The following MMP26 variants were observed in gnomAD, a reference collection of about 807,000 sequenced individuals.
MMP26 encodes matrix metallopeptidase 26.
In MMP26, 33 loss-of-function variants were observed where a neutral mutation model predicts 31.0. The observed-to-expected ratio is 1.06, with a 90% CI of 0.81 to 1.42. The LOEUF (loss-of-function observed/expected upper bound fraction) is 1.42. MMP26 is among the 40% of genes most tolerant of loss of function. MMP26 has a pLI of 0.00. For missense variants in MMP26, 347 were observed against 316.1 expected (o/e 1.10, Z -0.74); for synonymous variants, 122 against 114.9 (o/e 1.06, Z -0.40).
Position 4,724,277 on chromosome 11 carries a change from C to T in MMP26, c.-217+19232C>T, listed in dbSNP as rs1002874368. ...GTCTTGCTTCTGCCAGCATTTAAAA[C>T]CCCAGGAAAAGCAGGATTTTCTCTA... On this transcript the variant is annotated intron_variant, in intron 1 of 7. Coordinates refer to ENST00000380390, the MANE Select transcript of MMP26 (RefSeq NM_021801.5). 4.6e-5 allele frequency: 17 copies of T among 366,238 alleles called. No homozygotes were observed. In the Admixed American group the frequency reaches 6.2e-4, roughly 13 times the overall value. 22.7% of individuals were successfully genotyped at this position (366,238 alleles called of 1,614,324 possible). A position where few individuals can be genotyped will look rare whatever the true frequency, so the allele number is the denominator to read the frequency against.
rs188148119 is a variant in MMP26, at chr11:4,789,857, T to A, written c.-145+22516T>A. On this transcript the variant is annotated intron_variant, in intron 2 of 7. Coordinates refer to ENST00000380390, the MANE Select transcript of MMP26 (RefSeq NM_021801.5). ...GATATCCCTTTTAAAGAAGAGAAAT[T>A]CACACAGAATATGTTTACTTGGTTC... is the stretch of plus-strand genomic sequence containing the variant. Among the ~76,000 whole-genome samples the A allele has an allele frequency of 5.2e-4, 79 of 152,132 alleles. 1 individual carries two copies. The highest frequency in any genetic ancestry group is 1.9e-3 in the African/African-American group (78 of 41,486).
At chr11:4,884,720 T>A (rs1268197772) in intron 2 of MMP26, among the ~76,000 whole-genome samples, 2 of 152,186 alleles carry the variant, frequency 1.3e-5, no homozygotes, top group Non-Finnish European at 2.9e-5. Context: ...TCTACAATCC[T>A]CTATTTGCAA....
At position 4,748,576 on chromosome 11, in the gene MMP26, C is replaced by CAAAA. The variant is rs376553434; in HGVS notation, c.-216-18682_-216-18679dup. 2.9e-3 allele frequency among the ~76,000 whole-genome samples: 359 copies of CAAAA among 122,696 alleles called. 3 individuals are homozygous for CAAAA. The highest frequency in any genetic ancestry group is 9.2e-3 in the African/African-American group (322 of 35,042). 80.5% of individuals were successfully genotyped at this position (122,696 alleles called of 152,430 possible). A position where few individuals can be genotyped will look rare whatever the true frequency, so the allele number is the denominator to read the frequency against. The stretch of plus-strand genomic sequence containing the variant: ...TAGCAAACTGAATCAAACAGCACAT[C>CAAAA]AAAAAAAAAAAAAAACACAACAATG... On this transcript the variant is annotated intron_variant, in intron 1 of 7. Transcript: ENST00000380390.
intron 2 of MMP26, among the ~76,000 whole-genome samples, chr11:4,823,626 G>A (rs564857316): frequency 3.9e-4 from 59 of 152,192 alleles, no homozygotes; most frequent in Non-Finnish European, 6.9e-4. Flanking sequence ...AATTAATGCC[G>A]AGACATCCAT....
intron 2 of MMP26, among the ~76,000 whole-genome samples, chr11:4,940,457 T>C (rs1310422465): frequency 6.6e-6 from 1 of 152,172 alleles, no homozygotes; most frequent in Non-Finnish European, 1.5e-5. Context: ...GCAAATTTTG[T>C]CAGACATTTT....
chr11:4,913,900 A>G (rs1851031207), intron 2 of MMP26: 1 of 152,170 alleles, frequency 6.6e-6, no homozygotes, highest in Non-Finnish European at 1.5e-5. Flanking sequence ...ACTCAGGGAA[A>G]ACTTTTCTGA....
intron 2 of MMP26, among the ~76,000 whole-genome samples, chr11:4,797,647 A>T (rs1163736716): frequency 6.6e-6 from 1 of 152,182 alleles, no homozygotes; most frequent in African/African-American, 2.4e-5. Flanking sequence ...CTCTTTTCAA[A>T]GCATGAGGTT....
Position 4,967,260 on chromosome 11 carries a change from CTT to C in MMP26, c.-144-20806_-144-20805del, listed in dbSNP as rs1846608704. Reference sequence around the variant, plus strand: ...AATTTCCCAGTGAAACAAAATTACTCTTTATATTCAGCTCTCTTTACAATTCT... The same window carrying C: ...AATTTCCCAGTGAAACAAAATTACTCTATATTCAGCTCTCTTTACAATTCT... On this transcript the variant is annotated intron_variant, in intron 2 of 7. Transcript: ENST00000380390. 2.0e-5 allele frequency among the ~76,000 whole-genome samples: 3 copies of C among 152,022 alleles called. No individual in the cohort carries two copies. In the South Asian group the frequency reaches 6.2e-4, roughly 32 times the overall value.
chr11:4,779,463 T>C (rs182668212), intron 2 of MMP26, among the ~76,000 whole-genome samples: 1 of 152,192 alleles, frequency 6.6e-6, no homozygotes, highest in Non-Finnish European at 1.5e-5. Flanking sequence ...TGTTTTGTAA[T>C]GCCCTTTCAA....
At chr11:4,742,558 A>G (rs1848329225) in intron 1 of MMP26, among the ~76,000 whole-genome samples, 1 of 152,148 alleles carries the variant, frequency 6.6e-6, no homozygotes, top group African/African-American at 2.4e-5. Flanking sequence ...AGAGATTAGC[A>G]TTTGAATTGG....
At chr11:4,778,558 TA>T (rs1246135461) in intron 2 of MMP26, among the ~76,000 whole-genome samples, 1 of 152,054 alleles carries the variant, frequency 6.6e-6, no homozygotes, top group Non-Finnish European at 1.5e-5. Context: ...ATTATAAGAA[TA>T]AAGCTTCAAC....
At chr11:4,945,169 T>A (rs1054615444) in intron 2 of MMP26, 2 of 151,774 alleles carry the variant, frequency 1.3e-5, no homozygotes, top group African/African-American at 4.8e-5. Context: ...AAACCCGCAA[T>A]GGAAGAGATA....
At chr11:4,820,333 T>C (rs1179995851) in intron 2 of MMP26, among the ~76,000 whole-genome samples, 1 of 152,226 alleles carries the variant, frequency 6.6e-6, no homozygotes, top group African/African-American at 2.4e-5. Context: ...TGGATCATAT[T>C]ATGGATATGA....
chr11:4,985,865 G>T (rs1471975980), intron 2 of MMP26, among the ~76,000 whole-genome samples: 2 of 152,112 alleles, frequency 1.3e-5, no homozygotes, highest in Non-Finnish European at 2.9e-5. Flanking sequence ...TTTCTATTGT[G>T]CTCCTTTACC....
intron 2 of MMP26, chr11:4,859,514 G>A: frequency 2.8e-6 from 1 of 360,204 alleles, no homozygotes; most frequent in South Asian, 2.1e-5. Context: ...CATTTCCCCA[G>A]ATGTGCAAAA....
intron 1 of MMP26, among the ~76,000 whole-genome samples, chr11:4,741,783 A>G (rs568952096): frequency 1.4e-4 from 22 of 152,222 alleles, no homozygotes; most frequent in Admixed American, 1.0e-3. Context: ...AATAGAAATT[A>G]AAACAACAAC....
rs111772478 is a variant in MMP26, at chr11:4,828,596, A to G, written c.-145+61255A>G. ...GAGATTTTTTATTATCAGAAAAGGT[A>G]TTTTCCTAATGGGTGGAGGTTTGAA... On this transcript the variant is annotated intron_variant, in intron 2 of 7. Transcript: ENST00000380390. Among the ~76,000 whole-genome samples, 682 of 152,206 alleles carry G rather than the reference A, an allele frequency of 4.5e-3. 8 individuals are homozygous for G. The highest frequency in any genetic ancestry group is 0.015 in the African/African-American group (623 of 41,530).
At chr11:4,915,235 G>A (rs756594291) in intron 2 of MMP26, 1 of 1,614,012 alleles carries the variant, frequency 6.2e-7, no homozygotes, top group Admixed American at 1.7e-5. Flanking sequence ...CAATGACTGT[G>A]TTGGTGAGAA....
intron 2 of MMP26, among the ~76,000 whole-genome samples, chr11:4,878,908 G>T (rs532431884): frequency 6.6e-6 from 1 of 152,084 alleles, no homozygotes; most frequent in South Asian, 2.1e-4. Context: ...TGACTCATAC[G>T]TATATAGTGA....
Sources: gnomAD v4.1 joint callset for allele counts (sites outside exome capture counted in the v4.1 genomes callset) on GRCh38, gnomAD v4.1.1 for gene constraint, MANE v1.5 for transcripts, NCBI Gene and HGNC (gene_info 2026-07-23, HGNC 2026-07-21) for gene names.